KANSL1: variants seen among roughly 807,000 people sequenced by gnomAD.
The protein encoded by KANSL1 is MLL1/MLL complex subunit KANSL1.
KANSL1 carries 22 observed loss-of-function variants against 103.6 expected under a neutral mutation model. The observed-to-expected ratio is 0.21, with a 90% CI of 0.15 to 0.30. KANSL1 has a LOEUF of 0.30. Among genes scored for constraint, KANSL1 ranks in the 10% least tolerant of loss-of-function variants. The pLI is 1.00. For missense variants in KANSL1, 1,337 were observed against 1,399.8 expected (o/e 0.96, Z 0.72); for synonymous variants, 600 against 527.6 (o/e 1.14, Z -1.88).
intron 2 of KANSL1, among the ~76,000 whole-genome samples, chr17:46,095,535 A>G (rs1444540584): frequency 1.3e-5 from 2 of 152,212 alleles, no homozygotes; most frequent in Non-Finnish European, 2.9e-5. Flanking sequence ...ATAGTACTAA[A>G]CTGGCCAGTT....
chr17:46,131,791 G>A (rs934890776), intron 2 of KANSL1, among the ~76,000 whole-genome samples: 1 of 152,122 alleles, frequency 6.6e-6, no homozygotes, highest in African/African-American at 2.4e-5. Flanking sequence ...GACATAGATA[G>A]CAACACCACC....
In KANSL1 at chr17:46,107,506, T is replaced by C. The variant is rs891725643; in HGVS notation, c.1290-12805A>G. Among the ~76,000 whole-genome samples the C allele has an allele frequency of 2.0e-5, 3 of 152,346 alleles. No homozygotes were observed. In the South Asian group the frequency reaches 6.2e-4, roughly 32 times the overall value. On this transcript the variant is annotated intron_variant, in intron 2 of 14. Coordinates refer to ENST00000432791, the MANE Select transcript of KANSL1 (RefSeq NM_015443.4). Reference sequence around the variant, plus strand: ...CTTTCTCCACTTCTCTTTCAAGACATACTAACCTGGCTTTTCTATTGTCTT... The same window carrying C: ...CTTTCTCCACTTCTCTTTCAAGACACACTAACCTGGCTTTTCTATTGTCTT...
upstream of KANSL1, chr17:46,196,341 C>T (rs770488530): frequency 2.2e-6 from 1 of 456,180 alleles, no homozygotes; most frequent in African/African-American, 2.0e-5. Context: ...TAGTTTTAAC[C>T]CATTCTCTTT....
chr17:46,131,476 A>T (rs1280213119), intron 2 of KANSL1, among the ~76,000 whole-genome samples: 1 of 152,258 alleles, frequency 6.6e-6, no homozygotes, highest in African/African-American at 2.4e-5. Context: ...CTTGAATGCC[A>T]TGGCATGATT....
At position 46,144,060 on chromosome 17, in the gene KANSL1, G is replaced by GA. The variant is rs1261375121; in HGVS notation, c.1289+26794_1289+26795insT. On this transcript the variant is annotated intron_variant, in intron 2 of 14. Coordinates refer to ENST00000432791, the MANE Select transcript of KANSL1 (RefSeq NM_015443.4). The stretch of plus-strand genomic sequence containing the variant: ...AAGTTTCACATGTCTGTGGCTCTTT[G>GA]TTTTTTACAAGTTTTTATTACTTTG... Among the ~76,000 whole-genome samples the GA allele has an allele frequency of 2.6e-5, 4 of 152,278 alleles. No individual in the cohort carries two copies. In the East Asian group the frequency reaches 7.7e-4, roughly 29 times the overall value.
Position 46,172,240 on chromosome 17 carries a change from A to G in KANSL1, c.-89-8T>C. ...GCCTCCCCAGAGAACAGACTAGAAG[A>G]GAAAGGAGAAAAGAATATTAGAAAT... On this transcript the variant is annotated splice_polypyrimidine_tract_variant and splice_region_variant and intron_variant, in intron 1 of 14. Coordinates refer to ENST00000432791, the MANE Select transcript of KANSL1 (RefSeq NM_015443.4). 1.7e-6 allele frequency: 2 copies of G among 1,153,494 alleles called. No homozygotes were observed. The highest frequency in any genetic ancestry group is 2.9e-5 in the South Asian group (2 of 68,710). 71.5% of individuals were successfully genotyped at this position (1,153,494 alleles called of 1,614,324 possible). A position where few individuals can be genotyped will look rare whatever the true frequency, so the allele number is the denominator to read the frequency against.
intron 2 of KANSL1, among the ~76,000 whole-genome samples, chr17:46,166,212 T>C: frequency 1.6e-5 from 1 of 63,292 alleles, no homozygotes; most frequent in Middle Eastern, 0.017. Flanking sequence ...AGACTCTGTC[T>C]CAAAAAAAAA....
At chr17:46,054,542 A>G (rs2077848603) in intron 6 of KANSL1, among the ~76,000 whole-genome samples, 1 of 152,200 alleles carries the variant, frequency 6.6e-6, no homozygotes, top group Non-Finnish European at 1.5e-5. Context: ...TAAAATCTCA[A>G]TCACATCATA....
intron 1 of KANSL1, among the ~76,000 whole-genome samples, chr17:46,213,006 T>C (rs1016499698): frequency 6.6e-6 from 1 of 152,268 alleles, no homozygotes; most frequent in Non-Finnish European, 1.5e-5. Context: ...CCAGCAAAAC[T>C]TTTCTTTCTC....
In KANSL1 at chr17:46,032,084, G is replaced by A. The variant is rs145863194; in HGVS notation, c.3053C>T (p.Thr1018Ile). The A allele has an allele frequency of 2.8e-4, 445 of 1,614,038 alleles. No individual in the cohort carries two copies. The highest frequency in any genetic ancestry group is 3.6e-4 in the Non-Finnish European group (426 of 1,180,010). Residue 1018 changes from threonine (T) to isoleucine (I), a missense_variant, in exon 14 of 15, where the codon ACC becomes ATC. Physicochemically the swap from Thr to Ile is moderately conservative, Grantham distance 89 (BLOSUM62 -1). Transcript: ENST00000432791. Reference sequence around the variant, plus strand: ...CCCCAGCTCTGGTGTGGAACAACGGGTATCCTCACTGGCTAAGTGTCGCGG... The same window carrying A: ...CCCCAGCTCTGGTGTGGAACAACGGATATCCTCACTGGCTAAGTGTCGCGG... ...DTPRHLASED[T>I]RCSTPELGLD...
In KANSL1 at chr17:46,033,094, C is replaced by G; in HGVS notation, c.2823G>C (p.Gln941His). The G allele has an allele frequency of 6.3e-7, 1 of 1,589,616 alleles. No homozygotes were observed. The highest frequency in any genetic ancestry group is 8.6e-7 in the Non-Finnish European group (1 of 1,167,372). The change falls in exon 13 of 15, where the codon CAG becomes CAC. Residue 941 changes from glutamine (Q) to histidine (H), a missense_variant. Gln to His is a conservative substitution (Grantham distance 24). This residue lies in a region of KANSL1 where 780 missense variants were observed against 923.4 expected (regional missense o/e 0.84). Transcript: ENST00000432791. ...TGCCCCATCACCTGCTGCCCCGCCGCTGGGGTGGCACACTCGTGGTCCACA... is the reference window on the plus strand; with the variant it reads ...TGCCCCATCACCTGCTGCCCCGCCGGTGGGGTGGCACACTCGTGGTCCACA... ...RWLWTTSVPPQRRGSRSYRSS... is the reference protein window; with the variant it reads ...RWLWTTSVPPHRRGSRSYRSS...
At chr17:46,209,098 G>A (rs2048076433) in intron 1 of KANSL1, among the ~76,000 whole-genome samples, 1 of 151,922 alleles carries the variant, frequency 6.6e-6, no homozygotes, top group Admixed American at 6.6e-5. Flanking sequence ...CAGGAGAATT[G>A]CTTGAACCCG....
At chr17:46,132,898 A>G (rs903060534) in intron 2 of KANSL1, among the ~76,000 whole-genome samples, 16 of 152,198 alleles carry the variant, frequency 1.1e-4, no homozygotes, top group African/African-American at 3.9e-4. Context: ...AGCCATCATC[A>G]TACCACTGGA....
chr17:46,158,085 G>T (rs1182363214), intron 2 of KANSL1, among the ~76,000 whole-genome samples: 1 of 152,232 alleles, frequency 6.6e-6, no homozygotes, highest in Non-Finnish European at 1.5e-5. Context: ...ATGAATCAAT[G>T]AAGTATTCAA....
At chr17:46,133,533 A>T (rs148420488) in intron 2 of KANSL1, among the ~76,000 whole-genome samples, 1 of 152,226 alleles carries the variant, frequency 6.6e-6, no homozygotes, top group East Asian at 1.9e-4. Flanking sequence ...TTGCAACCAC[A>T]TAAGTGAAAG....
chr17:46,188,884 T>A (rs2047161144), intron 1 of KANSL1, among the ~76,000 whole-genome samples: 1 of 151,180 alleles, frequency 6.6e-6, no homozygotes, highest in Non-Finnish European at 1.5e-5. Flanking sequence ...TAGAAAAAAA[T>A]TAGCCAGGCG....
chr17:46,152,582 AGG>A lies in KANSL1; in HGVS notation c.1289+18271_1289+18272del, dbSNP rs35438677. ...AAACTAATACTGACAATAGACACAAAGGGGGGGGGGGGATTTCAGAGATTTAT... is the reference window on the plus strand; with the variant it reads ...AAACTAATACTGACAATAGACACAAAGGGGGGGGGGATTTCAGAGATTTAT... On this transcript the variant is annotated intron_variant, in intron 2 of 14. Coordinates refer to ENST00000432791, the MANE Select transcript of KANSL1 (RefSeq NM_015443.4). Among the ~76,000 whole-genome samples the A allele has an allele frequency of 2.5e-3, 247 of 100,620 alleles. 3 individuals carry two copies. The highest frequency in any genetic ancestry group is 7.0e-3 in the African/African-American group (201 of 28,892). The allele number at this position is 100,620 out of a possible 152,430, so 66.0% of individuals were successfully genotyped here. A position where few individuals can be genotyped will look rare whatever the true frequency, so the allele number is the denominator to read the frequency against.
chr17:46,058,576 T>TA (rs964438377), intron 6 of KANSL1, among the ~76,000 whole-genome samples: 32 of 152,320 alleles, frequency 2.1e-4, no homozygotes, highest in Admixed American at 1.4e-3. Context: ...ACTATAGGGA[T>TA]AAAATTTTTA....
intron 11 of KANSL1, 90 bp from the exon 12 acceptor site, chr17:46,033,550 G>A (rs527887457): frequency 9.3e-4 from 963 of 1,039,448 alleles, no homozygotes; most frequent in Non-Finnish European, 1.4e-3. Context: ...TGAGAATCCT[G>A]CACCTGTGGG....
Sources: allele counts gnomAD v4.1 joint callset (sites outside exome capture counted in the v4.1 genomes callset), GRCh38; gene constraint gnomAD v4.1.1; regional missense constraint gnomAD v4.1.1; transcripts MANE v1.5; gene names NCBI Gene and HGNC (gene_info 2026-07-23, HGNC 2026-07-21).